The following RFX3 variants were observed in gnomAD, a reference collection of about 807,000 sequenced individuals.
RFX3 encodes regulatory factor X3.
RFX3 carries 14 observed loss-of-function variants against 98.6 expected under a neutral mutation model. That is an observed-to-expected ratio of 0.14 (90% CI 0.09 to 0.22). The LOEUF (loss-of-function observed/expected upper bound fraction) is 0.22, where lower values mean the gene tolerates loss of function less well. Ranked by LOEUF, RFX3 falls within the 10% of genes least tolerant of loss-of-function variation. The pLI is 1.00. For missense variants in RFX3, 639 were observed against 926.9 expected (o/e 0.69, Z 4.03); for synonymous variants, 383 against 328.4 (o/e 1.17, Z -1.80).
rs71324247 is a variant in RFX3, at chr9:3,398,914, TAAAAAAAAAAA to T, written c.-8-3329_-8-3319del. On this transcript the variant is annotated intron_variant, in intron 1 of 16. Coordinates refer to ENST00000617270, the MANE Select transcript of RFX3 (RefSeq NM_001282116.2). ...ATGTACCCTAAAACTTAGAGTATAA[TAAAAAAAAAAA>T]AAAAAAAAAAAAAAAATTAAAACTA... Among the ~76,000 whole-genome samples, 164 of 67,570 alleles carry T rather than the reference TAAAAAAAAAAA, an allele frequency of 2.4e-3. No homozygotes were observed. In the South Asian group the frequency reaches 0.053, roughly 22 times the overall value. The allele number at this position is 67,570 out of a possible 152,430, so 44.3% of individuals were successfully genotyped here.
At chr9:3,288,758 A>G (rs1826962267) in intron 6 of RFX3, among the ~76,000 whole-genome samples, 1 of 152,176 alleles carries the variant, frequency 6.6e-6, no homozygotes, top group African/African-American at 2.4e-5. Context: ...ATGAAGTAAG[A>G]TAACTTAATT....
At chr9:3,369,989 C>T (rs1206674049) in intron 2 of RFX3, among the ~76,000 whole-genome samples, 3 of 144,120 alleles carry the variant, frequency 2.1e-5, no homozygotes, top group Non-Finnish European at 4.5e-5. Flanking sequence ...CCACTACGCC[C>T]GGCTAATTTT....
In RFX3 at chr9:3,330,325, C is replaced by T. The variant is rs753137279; in HGVS notation, c.408G>A (p.Leu136=). 1.2e-6 allele frequency: 2 copies of T among 1,614,118 alleles called. No homozygotes were observed. The highest frequency in any genetic ancestry group is 8.5e-7 in the Non-Finnish European group (1 of 1,180,002). The change falls in exon 4 of 17, where the codon CTG becomes CTA. Residue 136 remains leucine, a synonymous_variant. Coordinates refer to ENST00000617270, the MANE Select transcript of RFX3 (RefSeq NM_001282116.2). Reference sequence around the variant, plus strand: ...CAGAATTCTCCATTGAGTTGCCGATCAGATAGGTTCCTCCAGAGCTGCTGA... The same window carrying T: ...CAGAATTCTCCATTGAGTTGCCGATTAGATAGGTTCCTCCAGAGCTGCTGA... ...QLISSSGGTY[L]IGNSMENSGH...
chr9:3,398,914 T>TAAAAAAAAAAAAAAAAAAAAAAAAAAAAA (rs71324247), intron 1 of RFX3, among the ~76,000 whole-genome samples: 1 of 67,568 alleles, frequency 1.5e-5, no homozygotes. Flanking sequence ...TAGAGTATAA[T>TAAAAAAAAAAAAAAAAAAAAAAAAAAAAA]AAAAAAAAAA....
chr9:3,227,739 T>C (rs1488677907), intron 16 of RFX3, among the ~76,000 whole-genome samples: 1 of 152,244 alleles, frequency 6.6e-6, no homozygotes, highest in Non-Finnish European at 1.5e-5. Flanking sequence ...GCTCTAAAAT[T>C]ACTAATTAAT....
In RFX3 at chr9:3,425,129, T is replaced by C. The variant is rs551075938; in HGVS notation, c.-8-29533A>G. ...GGCCCACATCTGTGGTCCCAGCTACTTGGGAGGCTAAAGTGGGAAGATGCG... is the reference window on the plus strand; with the variant it reads ...GGCCCACATCTGTGGTCCCAGCTACCTGGGAGGCTAAAGTGGGAAGATGCG... On this transcript the variant is annotated intron_variant, in intron 1 of 16. Coordinates refer to ENST00000617270, the MANE Select transcript of RFX3 (RefSeq NM_001282116.2). 5.8e-4 allele frequency among the ~76,000 whole-genome samples: 88 copies of C among 152,254 alleles called. 2 individuals are homozygous for C. The South Asian group carries it at 0.017, about 30-fold the overall frequency.
At chr9:3,279,401 T>C (rs1015091564) in intron 7 of RFX3, among the ~76,000 whole-genome samples, 4 of 151,862 alleles carry the variant, frequency 2.6e-5, no homozygotes, top group Non-Finnish European at 4.4e-5. Flanking sequence ...TTAAAGGAAT[T>C]TGAGTTATTA....
At chr9:3,509,802 A>G (rs1315723199) in intron 1 of RFX3, among the ~76,000 whole-genome samples, 1 of 105,836 alleles carries the variant, frequency 9.4e-6, no homozygotes, top group Admixed American at 1.0e-4. Flanking sequence ...CTTTGCCTTT[A>G]AAAAAAGTTT....
At chr9:3,438,537 A>G (rs1845356176) in intron 1 of RFX3, among the ~76,000 whole-genome samples, 2 of 152,110 alleles carry the variant, frequency 1.3e-5, no homozygotes, top group Non-Finnish European at 2.9e-5. Context: ...ATCAAAAATA[A>G]TAGTAGTAAA....
At chr9:3,454,052 A>C (rs1846925302) in intron 1 of RFX3, among the ~76,000 whole-genome samples, 2 of 152,174 alleles carry the variant, frequency 1.3e-5, no homozygotes, top group Non-Finnish European at 2.9e-5. Context: ...TGGATATTTG[A>C]GTGGATTTTG....
chr9:3,525,756 G>T lies in RFX3; in HGVS notation c.-18C>A. The T allele has an allele frequency of 3.0e-6, 1 of 335,428 alleles. No homozygotes were observed. Among genetic ancestry groups the T allele is most frequent in the South Asian group, 1.2e-4 (1 of 8,546 alleles). The allele number at this position is 335,428 out of a possible 1,614,324, so 20.8% of individuals were successfully genotyped here. A position where few individuals can be genotyped will look rare whatever the true frequency, so the allele number is the denominator to read the frequency against. ...ACCGAAGAATATTCACCTTGGCTGT[G>T]GATTATTGTGGTGTTGTTGGTGGGT... On this transcript the variant is annotated 5_prime_UTR_variant, in exon 1 of 17. Coordinates refer to ENST00000617270, the MANE Select transcript of RFX3 (RefSeq NM_001282116.2).
At chr9:3,389,889 A>C (rs538340239) in intron 2 of RFX3, among the ~76,000 whole-genome samples, 16 of 152,296 alleles carry the variant, frequency 1.1e-4, no homozygotes, top group African/African-American at 3.1e-4. Flanking sequence ...CGCCCTGTAC[A>C]TAGTAAGATC....
At chr9:3,406,108 C>T (rs1317288953) in intron 1 of RFX3, among the ~76,000 whole-genome samples, 1 of 152,024 alleles carries the variant, frequency 6.6e-6, no homozygotes, top group Non-Finnish European at 1.5e-5. Flanking sequence ...GTGCACATGC[C>T]ACCACGCCTG....
At chr9:3,228,360 CAT>C (rs1335425431) in intron 16 of RFX3, among the ~76,000 whole-genome samples, 1 of 152,130 alleles carries the variant, frequency 6.6e-6, no homozygotes, top group Non-Finnish European at 1.5e-5. Flanking sequence ...TTCAGAAGTA[CAT>C]ATGTTACCTT....
chr9:3,469,305 C>A, intron 1 of RFX3: 1 of 300,894 alleles, frequency 3.3e-6, no homozygotes, highest in South Asian at 3.0e-5. Flanking sequence ...TCTTTACCTA[C>A]CAATCTTCTA....
At chr9:3,301,499 T>G in intron 5 of RFX3, 47 bp downstream of exon 5, 1 of 1,320,826 alleles carries the variant, frequency 7.6e-7, no homozygotes, top group Non-Finnish European at 1.1e-6. Flanking sequence ...AAGCAACACA[T>G]GCAGAACAAG....
chr9:3,468,954 C>T (rs1294939142), intron 1 of RFX3, among the ~76,000 whole-genome samples: 1 of 151,530 alleles, frequency 6.6e-6, no homozygotes, highest in Non-Finnish European at 1.5e-5. Context: ...TTTTCAAAAC[C>T]AATTCATTTA....
At chr9:3,407,708 T>A (rs964814400) in intron 1 of RFX3, among the ~76,000 whole-genome samples, 1 of 152,118 alleles carries the variant, frequency 6.6e-6, no homozygotes, top group Non-Finnish European at 1.5e-5. Context: ...TATGCTATAA[T>A]TTTTTAATCC....
intron 15 of RFX3, among the ~76,000 whole-genome samples, chr9:3,232,321 G>C (rs146029998): frequency 6.8e-4 from 103 of 152,268 alleles, no homozygotes; most frequent in Middle Eastern, 3.4e-3. Context: ...CAGACTGCGA[G>C]TGTCACACAG....
Sources: gnomAD v4.1 joint callset for allele counts (sites outside exome capture counted in the v4.1 genomes callset) on GRCh38, gnomAD v4.1.1 for gene constraint, MANE v1.5 for transcripts, NCBI Gene and HGNC (gene_info 2026-07-23, HGNC 2026-07-21) for gene names.